Variants in KDM4A observed in about 807,000 individuals in gnomAD.
KDM4A encodes lysine-specific demethylase 4A.
KDM4A carries 23 observed loss-of-function variants against 127.1 expected under a neutral mutation model. That is an observed-to-expected ratio of 0.18 (90% CI 0.13 to 0.26). The LOEUF (loss-of-function observed/expected upper bound fraction) is 0.26, where lower values mean the gene tolerates loss of function less well. Ranked by LOEUF, KDM4A falls within the 10% of genes least tolerant of loss-of-function variation. The probability of loss-of-function intolerance (pLI) is 1.00; values close to 1 mark genes in which losing one functional copy is unlikely to be tolerated. For missense variants in KDM4A, 890 were observed against 1,329.1 expected, an observed-to-expected ratio of 0.67 and a Z score of 5.14; for synonymous variants, 443 against 466.5, an observed-to-expected ratio of 0.95 and a Z score of 0.65.
chr1:43,672,606 T>G (rs1035836707), intron 11 of KDM4A, among the ~76,000 whole-genome samples: 2 of 151,984 alleles, frequency 1.3e-5, no homozygotes, highest in Non-Finnish European at 2.9e-5. Flanking sequence ...ACCATTCTCC[T>G]GCCTCAGCCT....
In KDM4A at chr1:43,660,339, G is replaced by T. The variant is rs769652752; in HGVS notation, c.356G>T (p.Arg119Leu). Residue 119 changes from arginine to leucine, a missense_variant, in exon 4 of 22, where the codon CGG becomes CTG. Arg to Leu is a moderately radical substitution (Grantham distance 102). Around this residue, in one of 7 missense-constraint regions of KDM4A, gnomAD observed 41 missense variants for 40.8 expected, o/e 1.00. Transcript: ENST00000372396. The stretch of plus-strand genomic sequence containing the variant: ...TATAGTGAGTTTGAAGAGCTCGAGC[G>T]GAAATACTGGAAAAATCTTACATTC... ...PRYSEFEELE[R>L]KYWKNLTFNP... is the part of the protein sequence containing the mutation. The T allele has an allele frequency of 6.2e-7, 1 of 1,614,066 alleles. No individual in the cohort carries two copies. The highest frequency in any genetic ancestry group is 8.5e-7 in the Non-Finnish European group (1 of 1,179,978).
intron 11 of KDM4A, 109 bp downstream of exon 11, chr1:43,671,984 CAGG>C: frequency 4.7e-6 from 6 of 1,264,270 alleles, no homozygotes; most frequent in Non-Finnish European, 6.3e-6. Context: ...GGAGGTGCTG[CAGG>C]AGGGCAGGAG....
intron 11 of KDM4A, among the ~76,000 whole-genome samples, chr1:43,675,249 C>T (rs1454743774): frequency 6.6e-6 from 1 of 152,216 alleles, no homozygotes; most frequent in East Asian, 1.9e-4. Flanking sequence ...TGCCACTTCC[C>T]TCTACTTTCT....
Position 43,694,973 on chromosome 1 carries a change from C to A in KDM4A, c.2670+79C>A. ...TCTGCATGTTTTCCATTTGTTGTAT[C>A]AGCAACTATTTCCTCAAGCATTCTG... On this transcript the variant is annotated intron_variant, in intron 18 of 21. Transcript: ENST00000372396. The surrounding 1 kb of genome is among the most constrained non-coding windows in gnomAD (Gnocchi z 5.2). 1 of 1,339,812 alleles carries A rather than the reference C, an allele frequency of 7.5e-7. No homozygotes were observed. The highest frequency in any genetic ancestry group is 1.0e-6 in the Non-Finnish European group (1 of 977,480). 83.0% of individuals were successfully genotyped at this position (1,339,812 alleles called of 1,614,324 possible).
intron 11 of KDM4A, among the ~76,000 whole-genome samples, chr1:43,681,963 TTTAC>T (rs1053982730): frequency 8.5e-5 from 13 of 152,262 alleles, no homozygotes; most frequent in Middle Eastern, 3.4e-3. Flanking sequence ...AAAGAACCCT[TTTAC>T]TTACTTACTT....
At chr1:43,685,549 A>T (rs934518916) in intron 12 of KDM4A, among the ~76,000 whole-genome samples, 2 of 151,980 alleles carry the variant, frequency 1.3e-5, no homozygotes, top group African/African-American at 4.8e-5. Context: ...CGGGTGGATC[A>T]CAAGGTCAGG....
intron 1 of KDM4A, among the ~76,000 whole-genome samples, chr1:43,651,803 A>G (rs1660119798): frequency 6.6e-6 from 1 of 152,196 alleles, no homozygotes; most frequent in African/African-American, 2.4e-5. Context: ...CACTTAGCTG[A>G]AGTTCTCATC....
intron 20 of KDM4A, 94 bp from the exon 21 acceptor site, chr1:43,703,926 C>T: frequency 7.5e-7 from 1 of 1,330,956 alleles, no homozygotes; most frequent in East Asian, 2.3e-5. Flanking sequence ...TGTTCTAACT[C>T]CTTCCTTTGA....
rs375849287 is a variant in KDM4A at position 43,674,691 on chromosome 1, A to AT, written c.1734+2824dup. The stretch of plus-strand genomic sequence containing the variant: ...ACCACCACTCCTGGTTAATTTTTGT[A>AT]TTTTTTTTAGTAGAGATGGGGTTTC... On this transcript the variant is annotated intron_variant, in intron 11 of 21. Coordinates refer to ENST00000372396, the MANE Select transcript of KDM4A (RefSeq NM_014663.3). 2.8e-3 allele frequency among the ~76,000 whole-genome samples: 423 copies of AT among 151,112 alleles called. 1 individual carries two copies. The highest frequency in any genetic ancestry group is 0.013 in the South Asian group (64 of 4,762).
At position 43,662,894 on chromosome 1, in the gene KDM4A, C is replaced by G; in HGVS notation, c.430C>G (p.His144Asp). ...CCCTGGACTGTCATTGCCTTTGCAG[C>G]ATGTTGATGAGTGGAATATTGGCCG... ...ADVNGTLYEK[H>D]VDEWNIGRLR... is the part of the protein sequence containing the mutation. Residue 144 changes from histidine (H) to aspartate (D), a missense_variant and splice_region_variant, in exon 5 of 22, where the codon CAT becomes GAT. By Grantham distance (81) the His-to-Asp change is moderately conservative (BLOSUM62 -1). Transcript: ENST00000372396. The G allele has an allele frequency of 1.2e-6, 2 of 1,607,066 alleles. No homozygotes were observed. Among genetic ancestry groups the G allele is most frequent in the African/African-American group, 2.7e-5 (2 of 74,834 alleles).
At position 43,660,290 on chromosome 1, in the gene KDM4A, T is replaced by C; in HGVS notation, c.315-8T>C. 1 of 1,567,286 alleles carries C rather than the reference T, an allele frequency of 6.4e-7. No homozygotes were observed. Among genetic ancestry groups the C allele is most frequent in the Non-Finnish European group, 8.6e-7 (1 of 1,168,264 alleles). ...GTGGTTTACATGTTTCTTTTTACTTTCAAAAAGGTACTGTACCCCACGCTA... is the reference window on the plus strand; with the variant it reads ...GTGGTTTACATGTTTCTTTTTACTTCCAAAAAGGTACTGTACCCCACGCTA... On this transcript the variant is annotated splice_polypyrimidine_tract_variant and splice_region_variant and intron_variant, in intron 3 of 21. Coordinates refer to ENST00000372396, the MANE Select transcript of KDM4A (RefSeq NM_014663.3).
chr1:43,673,782 C>T (rs951695584), intron 11 of KDM4A, among the ~76,000 whole-genome samples: 1 of 152,180 alleles, frequency 6.6e-6, no homozygotes, highest in African/African-American at 2.4e-5. Flanking sequence ...ATTCTTCCTT[C>T]GCAGAGGCCC....
In KDM4A at chr1:43,703,682, C is replaced by T. The variant is rs150467354; in HGVS notation, c.2907C>T (p.Asp969=). Residue 969 remains aspartate, a synonymous_variant, in exon 20 of 22, where the codon GAC becomes GAT. Transcript: ENST00000372396. The part of the protein sequence containing the change: ...EGEVVQVRWT[D]GQVYGAKFVA... ...AAGTGGTCCAAGTGAGATGGACAGACGGCCAAGTCTATGGAGCCAAGTTTG... is the reference window on the plus strand; with the variant it reads ...AAGTGGTCCAAGTGAGATGGACAGATGGCCAAGTCTATGGAGCCAAGTTTG... 1.4e-3 allele frequency: 2,313 copies of T among 1,614,102 alleles called. 7 individuals carry two copies. Among genetic ancestry groups the T allele is most frequent in the Middle Eastern group, 1.8e-3 (11 of 6,062 alleles).
chr1:43,687,171 T>A (rs887587707), intron 12 of KDM4A, among the ~76,000 whole-genome samples: 1 of 152,206 alleles, frequency 6.6e-6, no homozygotes, highest in Non-Finnish European at 1.5e-5. Context: ...ATATAGGGGT[T>A]GATTTTAATT....
At chr1:43,685,767 A>G (rs144669166) in intron 12 of KDM4A, among the ~76,000 whole-genome samples, 2 of 19,852 alleles carry the variant, frequency 1.0e-4, no homozygotes, top group South Asian at 9.7e-4. Flanking sequence ...CTCTGTCTCA[A>G]CAACAACAAC....
chr1:43,652,096 T>A (rs150710291), intron 1 of KDM4A, among the ~76,000 whole-genome samples: 1 of 152,356 alleles, frequency 6.6e-6, no homozygotes, highest in Non-Finnish European at 1.5e-5. Context: ...CACGTAACTT[T>A]TATTAGGTAT....
chr1:43,678,123 A>G (rs1009177349), intron 11 of KDM4A, among the ~76,000 whole-genome samples: 1 of 152,114 alleles, frequency 6.6e-6, no homozygotes, highest in Non-Finnish European at 1.5e-5. Flanking sequence ...TAATGGTTAT[A>G]AGAAAACTAA....
chr1:43,699,335 G>A (rs781025207), intron 19 of KDM4A, among the ~76,000 whole-genome samples: 49 of 152,176 alleles, frequency 3.2e-4, no homozygotes, highest in Middle Eastern at 6.8e-3. Flanking sequence ...AGCTTGAAGC[G>A]ATCCTCACAT....
intron 12 of KDM4A, among the ~76,000 whole-genome samples, chr1:43,686,573 G>A (rs557797343): frequency 6.6e-6 from 1 of 152,156 alleles, no homozygotes; most frequent in Non-Finnish European, 1.5e-5. Context: ...CTGACCTCAA[G>A]TGATCTGCCC....
Sources: allele counts gnomAD v4.1 joint callset (sites outside exome capture counted in the v4.1 genomes callset), GRCh38; gene constraint gnomAD v4.1.1; regional missense constraint gnomAD v4.1.1; non-coding constraint Gnocchi (gnomAD v3.1); transcripts MANE v1.5; gene names NCBI Gene and HGNC (gene_info 2026-07-23, HGNC 2026-07-21).